KANSL1: variants seen among roughly 807,000 people sequenced by gnomAD.
The protein encoded by KANSL1 is KAT8 regulatory NSL complex subunit 1, also known as MLL1/MLL complex subunit KANSL1.
A neutral mutation model predicts 103.6 loss-of-function variants in KANSL1; 22 were observed. The observed-to-expected ratio is 0.21, with a 90% confidence interval of 0.15 to 0.30. The LOEUF is 0.30. KANSL1 is among the 10% of genes least tolerant of loss of function. The pLI is 1.00. For synonymous variants in KANSL1, 600 were observed against 527.6 expected, an observed-to-expected ratio of 1.14 and a Z score of -1.88; for missense variants, 1,337 against 1,399.8, an observed-to-expected ratio of 0.96 and a Z score of 0.72.
At chr17:46,060,668 G>C (rs2078126409) in intron 6 of KANSL1, among the ~76,000 whole-genome samples, 1 of 152,174 alleles carries the variant, frequency 6.6e-6, no homozygotes, top group Non-Finnish European at 1.5e-5. Context: ...TTTTAATACT[G>C]ACTCATATTC....
chr17:46,156,545 C>T (rs1242567990), intron 2 of KANSL1, among the ~76,000 whole-genome samples: 1 of 152,242 alleles, frequency 6.6e-6, no homozygotes, highest in Non-Finnish European at 1.5e-5. Flanking sequence ...GCATTTAATG[C>T]CTGTACCATG....
chr17:46,182,608 T>C (rs2046843826), intron 1 of KANSL1, among the ~76,000 whole-genome samples: 1 of 152,256 alleles, frequency 6.6e-6, no homozygotes, highest in South Asian at 2.1e-4. Context: ...GATAGGTTAT[T>C]ACAAATGTTG....
chr17:46,094,846 C>T (rs2041994736), intron 2 of KANSL1, 145 bp from the exon 3 acceptor site: 3 of 901,082 alleles, frequency 3.3e-6, no homozygotes, highest in Non-Finnish European at 5.1e-6. Context: ...AGACAAGACA[C>T]CTCCCGCTCA....
chr17:46,161,773 G>A (rs764148444), intron 2 of KANSL1, among the ~76,000 whole-genome samples: 9 of 150,468 alleles, frequency 6.0e-5, no homozygotes, highest in Non-Finnish European at 1.0e-4. Flanking sequence ...CATTTCCCCC[G>A]CCCCCAAAAC....
chr17:46,218,660 G>A (rs1407172413), intron 1 of KANSL1, among the ~76,000 whole-genome samples: 1 of 152,098 alleles, frequency 6.6e-6, no homozygotes, highest in Admixed American at 6.5e-5. Flanking sequence ...GCATGCGCCT[G>A]TAATCCCAGC....
intron 4 of KANSL1, among the ~76,000 whole-genome samples, chr17:46,072,506 T>C (rs1348439714): frequency 2.0e-5 from 3 of 152,072 alleles, no homozygotes; most frequent in African/African-American, 4.8e-5. Flanking sequence ...TTTTTGACTT[T>C]GTATGATTGA....
At chr17:46,223,448 A>T (rs1488395858) in intron 1 of KANSL1, 12 of 151,318 alleles carry the variant, frequency 7.9e-5, no homozygotes, top group Non-Finnish European at 1.6e-4. Flanking sequence ...ATTATAATGG[A>T]AGTTAATTTG....
intron 2 of KANSL1, among the ~76,000 whole-genome samples, chr17:46,111,179 G>C (rs2042786077): frequency 1.3e-5 from 2 of 152,232 alleles, no homozygotes; most frequent in South Asian, 4.1e-4. Flanking sequence ...TTGAGTTCAT[G>C]TGAATGAGTG....
intron 1 of KANSL1, among the ~76,000 whole-genome samples, chr17:46,179,508 T>C (rs112747768): frequency 7.5e-4 from 115 of 152,336 alleles, no homozygotes; most frequent in African/African-American, 2.6e-3. Context: ...GAAGAAAAGT[T>C]TGCCCATAAT....
At chr17:46,202,437 T>C (rs1358437) in intron 1 of KANSL1, among the ~76,000 whole-genome samples, 3 of 152,124 alleles carry the variant, frequency 2.0e-5, no homozygotes. Flanking sequence ...CTCAGAGAGA[T>C]ATGTCCTGCT....
intron 1 of KANSL1, among the ~76,000 whole-genome samples, chr17:46,186,031 G>GT (rs1200922439): frequency 2.0e-5 from 3 of 152,038 alleles, no homozygotes; most frequent in Non-Finnish European, 4.4e-5. Context: ...AATGGTTGGT[G>GT]TAAGTGCTCC....
chr17:46,108,902 G>A (rs1445266837), intron 2 of KANSL1, among the ~76,000 whole-genome samples: 1 of 152,146 alleles, frequency 6.6e-6, no homozygotes, highest in African/African-American at 2.4e-5. Context: ...ACAAACCAGG[G>A]AAAATAAAGC....
At chr17:46,129,994 C>T (rs62063201) in intron 2 of KANSL1, among the ~76,000 whole-genome samples, 21,265 of 150,940 alleles carry the variant, frequency 0.14, 2,110 homozygotes, top group Middle Eastern at 0.22. Context: ...AAGACCAGCC[C>T]GGGCAACATG....
intron 2 of KANSL1, among the ~76,000 whole-genome samples, chr17:46,140,881 G>A (rs1427158511): frequency 6.6e-6 from 1 of 152,118 alleles, no homozygotes; most frequent in Non-Finnish European, 1.5e-5. Flanking sequence ...AGAAGCATTG[G>A]CAAGAATGTG....
At chr17:46,097,163 T>G (rs2042122628) in intron 2 of KANSL1, among the ~76,000 whole-genome samples, 1 of 152,230 alleles carries the variant, frequency 6.6e-6, no homozygotes, top group Admixed American at 6.5e-5. Flanking sequence ...AAATAAACTA[T>G]AATTTATTCA....
At chr17:46,170,757 A>T in intron 2 of KANSL1, 98 bp downstream of exon 2, 1 of 1,313,964 alleles carries the variant, frequency 7.6e-7, no homozygotes, top group Non-Finnish European at 1.0e-6. Context: ...CTAGACACCT[A>T]TGTACAAAGA....
chr17:46,143,837 T>C, intron 2 of KANSL1, among the ~76,000 whole-genome samples: 1 of 147,806 alleles, frequency 6.8e-6, no homozygotes, highest in South Asian at 2.1e-4. Context: ...AAGAAGTTGT[T>C]ATCTTCCCAG....
chr17:46,066,121 G>A (rs2078367334), intron 6 of KANSL1, among the ~76,000 whole-genome samples: 2 of 152,226 alleles, frequency 1.3e-5, no homozygotes, highest in Admixed American at 1.3e-4. Flanking sequence ...GCCTCCCGAA[G>A]TGTTGGGATT....
At chr17:46,091,478 T>C (rs901690367) in intron 3 of KANSL1, among the ~76,000 whole-genome samples, 2 of 151,984 alleles carry the variant, frequency 1.3e-5, no homozygotes, top group Non-Finnish European at 1.5e-5. Context: ...AAGTTTATAG[T>C]AGTGTACAGT....
Sources: gnomAD v4.1 joint callset for allele counts (sites outside exome capture counted in the v4.1 genomes callset) on GRCh38, gnomAD v4.1.1 for gene constraint, MANE v1.5 for transcripts, NCBI Gene and HGNC (gene_info 2026-07-23, HGNC 2026-07-21) for gene names.